Variants in NFIA observed in about 807,000 individuals in gnomAD.
NFIA encodes the protein nuclear factor 1 A-type.
NFIA carries 8 observed loss-of-function variants against 62.8 expected under a neutral mutation model. That is an observed-to-expected ratio of 0.13 (90% confidence interval 0.07 to 0.23). The LOEUF (loss-of-function observed/expected upper bound fraction) is 0.23, where lower values mean the gene tolerates loss of function less well. Ranked by LOEUF, NFIA falls within the 10% of genes least tolerant of loss-of-function variation. The pLI, the probability that NFIA is intolerant of heterozygous loss-of-function variation, is 1.00. For missense variants in NFIA, 410 were observed against 642.1 expected, an observed-to-expected ratio of 0.64 and a Z score of 3.91; for synonymous variants, 235 against 238.1, an observed-to-expected ratio of 0.99 and a Z score of 0.12.
intron 2 of NFIA, among the ~76,000 whole-genome samples, chr1:61,188,612 ACAT>A (rs1487742469): frequency 1.3e-5 from 2 of 152,208 alleles, no homozygotes; most frequent in African/African-American, 2.4e-5. Flanking sequence ...GTCGTCATCG[ACAT>A]CATCATCATC....
intron 9 of NFIA, among the ~76,000 whole-genome samples, chr1:61,421,037 G>A (rs984744821): frequency 1.3e-5 from 2 of 151,970 alleles, no homozygotes; most frequent in African/African-American, 2.4e-5. Context: ...ATTGTGCTGT[G>A]CCCTTGGTGG....
chr1:61,089,957 A>G (rs978751074), intron 2 of NFIA, among the ~76,000 whole-genome samples: 2 of 152,116 alleles, frequency 1.3e-5, no homozygotes, highest in African/African-American at 4.8e-5. Context: ...ATAGATGAGT[A>G]TTTTAGAGGA....
intron 3 of NFIA, among the ~76,000 whole-genome samples, chr1:61,289,990 A>G (rs1658765771): frequency 6.7e-6 from 1 of 148,772 alleles, no homozygotes; most frequent in Admixed American, 6.8e-5. Context: ...ACTAGGTGCC[A>G]GGGACATCTT....
chr1:61,416,948 C>T (rs1362013027), intron 9 of NFIA, among the ~76,000 whole-genome samples: 4 of 151,968 alleles, frequency 2.6e-5, no homozygotes. Context: ...AGAATAACAC[C>T]ATCCTGGGTA....
intron 9 of NFIA, among the ~76,000 whole-genome samples, chr1:61,412,302 C>G (rs2100534063): frequency 6.6e-6 from 1 of 152,096 alleles, no homozygotes; most frequent in African/African-American, 2.4e-5. Context: ...GAGTTAAGGA[C>G]CAGTAAGTAC....
At chr1:61,199,189 G>A (rs1304977159) in intron 2 of NFIA, among the ~76,000 whole-genome samples, 1 of 152,146 alleles carries the variant, frequency 6.6e-6, no homozygotes, top group East Asian at 1.9e-4. Flanking sequence ...TTGTGAATAT[G>A]TTTAGCTCTT....
intron 4 of NFIA, among the ~76,000 whole-genome samples, chr1:61,333,888 T>A (rs1661441324): frequency 6.6e-6 from 1 of 152,106 alleles, no homozygotes; most frequent in Admixed American, 6.5e-5. Flanking sequence ...TGGCCCCAGC[T>A]ACTCAGGAGG....
chr1:61,223,904 T>C (rs1654167998), intron 2 of NFIA, among the ~76,000 whole-genome samples: 1 of 152,124 alleles, frequency 6.6e-6, no homozygotes, highest in South Asian at 2.1e-4. Context: ...TTTTAAATAA[T>C]TAAAACCCAT....
chr1:61,380,803 C>T (rs889045372), intron 6 of NFIA, among the ~76,000 whole-genome samples: 2 of 152,066 alleles, frequency 1.3e-5, no homozygotes, highest in African/African-American at 2.4e-5. Flanking sequence ...TGCATGCTGA[C>T]GGTATTTCTT....
At chr1:61,363,984 TCGC>T (rs1268737100) in intron 6 of NFIA, among the ~76,000 whole-genome samples, 1 of 151,300 alleles carries the variant, frequency 6.6e-6, no homozygotes, top group East Asian at 2.0e-4. Flanking sequence ...TCTTGCTCTA[TCGC>T]CCAGGCTGGA....
intron 6 of NFIA, among the ~76,000 whole-genome samples, chr1:61,380,106 C>T (rs1347057793): frequency 6.6e-6 from 1 of 152,104 alleles, no homozygotes; most frequent in Non-Finnish European, 1.5e-5. Context: ...TTTAGAAAAC[C>T]AGTGACAAGC....
At chr1:61,077,894 A>G (rs1312301651), upstream of NFIA, among the ~76,000 whole-genome samples, 1 of 142,982 alleles carries the variant, frequency 7.0e-6, no homozygotes, top group African/African-American at 2.6e-5. Flanking sequence ...GCTGAGCTTG[A>G]CAGATTTTTT....
chr1:61,249,631 C>A (rs1291338938), intron 2 of NFIA, among the ~76,000 whole-genome samples: 1 of 152,022 alleles, frequency 6.6e-6, no homozygotes, highest in Non-Finnish European at 1.5e-5. Context: ...CTGGTGAAAC[C>A]CCATCTCTAC....
chr1:61,453,691 A>G (rs1668175084), intron 10 of NFIA, among the ~76,000 whole-genome samples: 1 of 152,138 alleles, frequency 6.6e-6, no homozygotes, highest in Non-Finnish European at 1.5e-5. Context: ...CCCGCACCCA[A>G]AGTTTGAACC....
At chr1:61,329,971 A>G (rs1439139079) in intron 3 of NFIA, among the ~76,000 whole-genome samples, 1 of 152,180 alleles carries the variant, frequency 6.6e-6, no homozygotes, top group African/African-American at 2.4e-5. Flanking sequence ...ACATAGAGTC[A>G]GGAATCACAG....
intron 2 of NFIA, among the ~76,000 whole-genome samples, chr1:61,214,520 A>G (rs995774273): frequency 1.3e-5 from 2 of 152,210 alleles, no homozygotes; most frequent in Non-Finnish European, 2.9e-5. Context: ...TGAGCTTCAT[A>G]CTTGCTTGCT....
At chr1:61,179,123 A>T (rs568210550) in intron 2 of NFIA, among the ~76,000 whole-genome samples, 1 of 152,334 alleles carries the variant, frequency 6.6e-6, no homozygotes, top group Admixed American at 6.5e-5. Context: ...TTCAAGTTGG[A>T]CAGCATGTCT....
chr1:61,318,189 A>C (rs1660470531), intron 3 of NFIA, among the ~76,000 whole-genome samples: 2 of 152,200 alleles, frequency 1.3e-5, no homozygotes, highest in Non-Finnish European at 2.9e-5. Context: ...ATGTTTGATA[A>C]TTACATATTT....
chr1:61,233,305 C>T lies in NFIA; in HGVS notation c.560-44215C>T, dbSNP rs181975155. On this transcript the variant is annotated intron_variant, in intron 2 of 10. Transcript: ENST00000403491. ...TTCCCAAGCCTTAAATGCAGAGATT[C>T]TGAACTAGAGGCCAAAGATCATGCT... 2.2e-3 allele frequency among the ~76,000 whole-genome samples: 342 copies of T among 152,300 alleles called. 3 individuals are homozygous for T. Among genetic ancestry groups the T allele is most frequent in the Non-Finnish European group, 4.0e-3 (275 of 68,016 alleles).
Sources: allele counts gnomAD v4.1 joint callset (sites outside exome capture counted in the v4.1 genomes callset), GRCh38; gene constraint gnomAD v4.1.1; transcripts MANE v1.5; gene names NCBI Gene and HGNC (gene_info 2026-07-23, HGNC 2026-07-21).